RCBTB1: variants seen among roughly 807,000 people sequenced by gnomAD.
RCBTB1 encodes the protein RCC1 and BTB domain containing protein 1, also known as RCC1 and BTB domain-containing protein 1.
RCBTB1 carries 46 observed loss-of-function variants against 62.4 expected under a neutral mutation model. The ratio of observed to expected loss-of-function variants is 0.74; its 90% CI spans 0.58 to 0.94. The LOEUF (loss-of-function observed/expected upper bound fraction) is 0.94. RCBTB1 is among the 40% of genes least tolerant of loss of function. The probability of loss-of-function intolerance (pLI) is 0.00; values close to 1 mark genes in which losing one functional copy is unlikely to be tolerated. For synonymous variants in RCBTB1, 222 were observed against 245.8 expected (o/e 0.90, Z 0.91); for missense variants, 565 against 654.9 (o/e 0.86, Z 1.50).
chr13:49,535,922 C>A (rs1470309942), intron 12 of RCBTB1, among the ~76,000 whole-genome samples: 1 of 151,698 alleles, frequency 6.6e-6, no homozygotes, highest in African/African-American at 2.4e-5. Flanking sequence ...ACTCAGGAAG[C>A]TGAGGCAGGA....
chr13:49,541,755 C>CT lies in RCBTB1; in HGVS notation c.1244dup (p.Phe416ValfsTer37). The CT allele has an allele frequency of 6.2e-7, 1 of 1,614,112 alleles. No homozygotes were observed. Among genetic ancestry groups the CT allele is most frequent in the Non-Finnish European group, 8.5e-7 (1 of 1,180,028 alleles). ...AGGCACGATACACTGGGTAAGAAAA[C>CT]TGATCGATTTCTATCACTTCCTTCA... On this transcript the variant is annotated frameshift_variant, in exon 11 of 13. Transcript: ENST00000378302. LOFTEE classifies it high-confidence loss of function.
rs200891767 is a variant in RCBTB1, at chr13:49,541,010, A to G, written c.1325-4T>C. 9.3e-6 allele frequency: 15 copies of G among 1,608,722 alleles called. No homozygotes were observed. Among genetic ancestry groups the G allele is most frequent in the Middle Eastern group, 1.6e-4 (1 of 6,068 alleles). ...GATGTCGCCAAATCCAGAAGACCTA[A>G]AAGTAAAATATGTGAAAGGTTTAAT... On this transcript the variant is annotated splice_polypyrimidine_tract_variant and splice_region_variant and intron_variant, in intron 11 of 12. Coordinates refer to ENST00000378302, the MANE Select transcript of RCBTB1 (RefSeq NM_018191.4).
chr13:49,551,944 T>C (rs1961391644), intron 7 of RCBTB1, among the ~76,000 whole-genome samples: 1 of 130,998 alleles, frequency 7.6e-6, no homozygotes, highest in Non-Finnish European at 1.6e-5. Context: ...AACCTTAGGC[T>C]ACTGAATTTT....
intron 2 of RCBTB1, among the ~76,000 whole-genome samples, chr13:49,572,438 AAC>A (rs1285168099): frequency 6.6e-6 from 1 of 152,216 alleles, no homozygotes; most frequent in Non-Finnish European, 1.5e-5. Flanking sequence ...GAAAAGTATT[AAC>A]AGACTTATTC....
At chr13:49,570,536 A>T (rs1485011360) in intron 2 of RCBTB1, among the ~76,000 whole-genome samples, 1 of 152,224 alleles carries the variant, frequency 6.6e-6, no homozygotes, top group African/African-American at 2.4e-5. Context: ...ATCAGTCAGT[A>T]TGACAGCTGT....
Position 49,555,659 on chromosome 13 carries a change from A to AC in RCBTB1, c.458dup (p.Tyr154LeufsTer2). 1 of 1,591,448 alleles carries AC rather than the reference A, an allele frequency of 6.3e-7. No homozygotes were observed. Among genetic ancestry groups the AC allele is most frequent in the South Asian group, 1.1e-5 (1 of 88,006 alleles). On this transcript the variant is annotated frameshift_variant, in exon 6 of 13. Coordinates refer to ENST00000378302, the MANE Select transcript of RCBTB1 (RefSeq NM_018191.4). LOFTEE classifies it high-confidence loss of function. ...ATCCCACTTGGCCACAGTTGTTATA[A>AC]CCCCAAGCAAACACCTACAAGAGAA...
intron 5 of RCBTB1, among the ~76,000 whole-genome samples, chr13:49,559,179 A>G (rs781095610): frequency 1.3e-5 from 2 of 152,228 alleles, no homozygotes; most frequent in Non-Finnish European, 2.9e-5. Flanking sequence ...GGCACTTACT[A>G]TATGTATCCA....
chr13:49,572,036 T>C (rs1301429342), intron 2 of RCBTB1, among the ~76,000 whole-genome samples: 1 of 152,106 alleles, frequency 6.6e-6, no homozygotes, highest in Non-Finnish European at 1.5e-5. Context: ...GACTCAAAAA[T>C]ACAGGATCTG....
At chr13:49,534,942 G>A (rs1004493585) in intron 12 of RCBTB1, among the ~76,000 whole-genome samples, 1 of 152,186 alleles carries the variant, frequency 6.6e-6, no homozygotes, top group Non-Finnish European at 1.5e-5. Flanking sequence ...ACTGAGACAG[G>A]AGAATCGTTT....
chr13:49,569,155 AAG>A, intron 2 of RCBTB1, among the ~76,000 whole-genome samples: 1 of 152,202 alleles, frequency 6.6e-6, no homozygotes, highest in Non-Finnish European at 1.5e-5. Context: ...CTCACATTTT[AAG>A]AGCCCACTGT....
chr13:49,566,316 T>C (rs984783452), intron 4 of RCBTB1, among the ~76,000 whole-genome samples: 40 of 151,886 alleles, frequency 2.6e-4, no homozygotes, highest in African/African-American at 9.4e-4. Context: ...AAAAGTTGCA[T>C]TGCAACACAA....
In RCBTB1 at chr13:49,533,926, AAGG is replaced by A. The variant is rs1959730463; in HGVS notation, c.*193_*195del. ...ATTTAAAATACACTTATCTGGAAAC[AAGG>A]GTTGTTTAAAATGGGCTCAAGAAAA... On this transcript the variant is annotated 3_prime_UTR_variant, in exon 13 of 13. Coordinates refer to ENST00000378302, the MANE Select transcript of RCBTB1 (RefSeq NM_018191.4). The A allele has an allele frequency of 2.1e-6, 1 of 481,658 alleles. No homozygotes were observed. The highest frequency in any genetic ancestry group is 3.2e-5 in the East Asian group (1 of 31,458). 29.8% of individuals were successfully genotyped at this position (481,658 alleles called of 1,614,324 possible). A position where few individuals can be genotyped will look rare whatever the true frequency, so the allele number is the denominator to read the frequency against.
chr13:49,541,511 C>G (rs548749456), intron 11 of RCBTB1, among the ~76,000 whole-genome samples, 165 bp downstream of exon 11: 1 of 152,074 alleles, frequency 6.6e-6, no homozygotes, highest in East Asian at 1.9e-4. Flanking sequence ...AAACTATTAA[C>G]CATAATAACT....
At chr13:49,568,244 G>A (rs1963158243) in intron 2 of RCBTB1, among the ~76,000 whole-genome samples, 1 of 152,152 alleles carries the variant, frequency 6.6e-6, no homozygotes, top group African/African-American at 2.4e-5. Flanking sequence ...TCTTTCCAAT[G>A]GTACTATGGC....
chr13:49,580,764 G>A (rs1367168491), intron 1 of RCBTB1, among the ~76,000 whole-genome samples, 180 bp from the exon 2 acceptor site: 2 of 152,304 alleles, frequency 1.3e-5, no homozygotes, highest in East Asian at 1.9e-4. Context: ...AGTATCAACT[G>A]TACCCTGCAA....
rs755340992 is a variant in RCBTB1, at chr13:49,567,329, A to T, written c.-41-9T>A. 5.0e-6 allele frequency: 8 copies of T among 1,585,660 alleles called. No homozygotes were observed. The East Asian group carries it at 1.4e-4, about 27-fold the overall frequency. ...TAAATAAGCCGACATCTCTGCTGGA[A>T]CAGAAAGGATTCCAGAAAAAAATTA... On this transcript the variant is annotated splice_polypyrimidine_tract_variant and intron_variant, in intron 2 of 12. Transcript: ENST00000378302.
intron 5 of RCBTB1, among the ~76,000 whole-genome samples, chr13:49,559,545 A>G (rs1378847277): frequency 6.6e-6 from 1 of 150,692 alleles, no homozygotes; most frequent in Non-Finnish European, 1.5e-5. Context: ...AGTCCCAGCT[A>G]CTTGGGAGGC....
At chr13:49,535,179 GGTTA>G (rs997044906) in intron 12 of RCBTB1, among the ~76,000 whole-genome samples, 1 of 152,132 alleles carries the variant, frequency 6.6e-6, no homozygotes, top group African/African-American at 2.4e-5. Flanking sequence ...TATTTACACA[GGTTA>G]GTTTTCAGTC....
At chr13:49,584,174 G>A (rs1964263517) in intron 1 of RCBTB1, among the ~76,000 whole-genome samples, 1 of 152,204 alleles carries the variant, frequency 6.6e-6, no homozygotes, top group Admixed American at 6.5e-5. Context: ...AAAGCTACAA[G>A]CTTGACAGCT....
Sources: gnomAD v4.1 joint callset for allele counts (sites outside exome capture counted in the v4.1 genomes callset) on GRCh38, gnomAD v4.1.1 for gene constraint, MANE v1.5 for transcripts, NCBI Gene and HGNC (gene_info 2026-07-23, HGNC 2026-07-21) for gene names.